GFRA2: variants seen among roughly 807,000 people sequenced by gnomAD.
GFRA2 encodes GDNF family receptor alpha-2.
GFRA2 carries 17 observed loss-of-function variants against 48.3 expected under a neutral mutation model. The observed-to-expected ratio is 0.35, with a 90% CI of 0.24 to 0.53. GFRA2 has a LOEUF of 0.53. Ranked by LOEUF, GFRA2 falls within the 20% of genes least tolerant of loss-of-function variation. The pLI is 0.93. For missense variants in GFRA2, 660 were observed against 637.3 expected (o/e 1.04, Z -0.38); for synonymous variants, 305 against 257.2 (o/e 1.19, Z -1.78).
intron 3 of GFRA2, among the ~76,000 whole-genome samples, chr8:21,753,865 C>A (rs1016176599): frequency 6.6e-6 from 1 of 152,182 alleles, no homozygotes; most frequent in African/African-American, 2.4e-5. Context: ...TTTCTCCAGG[C>A]TCATTTCCCT....
chr8:21,746,189 C>G (rs1804994733), intron 4 of GFRA2, among the ~76,000 whole-genome samples: 1 of 152,164 alleles, frequency 6.6e-6, no homozygotes. Flanking sequence ...GGCACCACCA[C>G]AGCAACCTCC....
intron 4 of GFRA2, among the ~76,000 whole-genome samples, chr8:21,711,145 T>A (rs1803002315): frequency 6.6e-6 from 1 of 152,178 alleles, no homozygotes; most frequent in Non-Finnish European, 1.5e-5. Flanking sequence ...CTCTGTGCCT[T>A]CTCTAGACCA....
intron 4 of GFRA2, among the ~76,000 whole-genome samples, chr8:21,731,148 T>C (rs1248398119): frequency 6.6e-6 from 1 of 151,732 alleles, no homozygotes; most frequent in Non-Finnish European, 1.5e-5. Flanking sequence ...CACCACCAAC[T>C]CCCCCAGCGT....
chr8:21,788,036 C>A, intron 1 of GFRA2, 84 bp downstream of exon 1: 1 of 559,272 alleles, frequency 1.8e-6, no homozygotes, highest in Non-Finnish European at 2.9e-6. Flanking sequence ...CGACCTCCCG[C>A]CAGCCCCCCA....
chr8:21,729,401 C>G (rs541412450), intron 4 of GFRA2, among the ~76,000 whole-genome samples: 1 of 152,196 alleles, frequency 6.6e-6, no homozygotes, highest in African/African-American at 2.4e-5. Flanking sequence ...GCAGGGCTGC[C>G]CCTCCCCTCC....
In GFRA2 at chr8:21,765,380, G is replaced by A. The variant is rs562338661; in HGVS notation, c.439+9592C>T. On this transcript the variant is annotated intron_variant, in intron 3 of 8. Transcript: ENST00000524240. ...CCCGCCTCAGCCTTCCAAAGTGCTG[G>A]GATTATAGGTGTGAGCCACTACACC... Among the ~76,000 whole-genome samples the A allele has an allele frequency of 3.9e-5, 6 of 152,062 alleles. No individual in the cohort carries two copies. In the South Asian group the frequency reaches 1.2e-3, roughly 32 times the overall value.
chr8:21,712,735 G>A (rs557190687), intron 4 of GFRA2, among the ~76,000 whole-genome samples: 79 of 152,322 alleles, frequency 5.2e-4, no homozygotes, highest in Middle Eastern at 3.4e-3. Context: ...CTGAGTGAAC[G>A]AGACTCCGTC....
intron 8 of GFRA2, among the ~76,000 whole-genome samples, chr8:21,693,689 A>G (rs1044657130): frequency 7.3e-5 from 5 of 68,092 alleles, no homozygotes; most frequent in African/African-American, 2.3e-4. Flanking sequence ...TCCTCCCTGC[A>G]TCAGGGCTGA....
At chr8:21,698,830 G>C (rs1802335877) in intron 7 of GFRA2, among the ~76,000 whole-genome samples, 1 of 150,378 alleles carries the variant, frequency 6.6e-6, no homozygotes, top group Non-Finnish European at 1.5e-5. Flanking sequence ...TCAGCACTCT[G>C]TGCTGTCCTG....
chr8:21,811,588 T>TC (rs1807981753), intron 1 of GFRA2, among the ~76,000 whole-genome samples: 1 of 151,910 alleles, frequency 6.6e-6, no homozygotes, highest in Non-Finnish European at 1.5e-5. Context: ...AGCTTTACAT[T>TC]CCCCATGTCC....
chr8:21,705,989 T>C lies in GFRA2; in HGVS notation c.847A>G (p.Thr283Ala). ...TGGTAATTGTCCGCAGGGCAGCTGG[T>C]GACCGTCTGGTAGGAGGCTCGACAA... ...ANCRASYQTVTSCPADNYQAC... is the reference protein window; with the variant it reads ...ANCRASYQTVASCPADNYQAC... The change falls in exon 5 of 9, where the codon ACC becomes GCC. Residue 283 changes from threonine to alanine, a missense_variant. Transcript: ENST00000524240. 2 of 1,580,948 alleles carry C rather than the reference T, an allele frequency of 1.3e-6. No homozygotes were observed. The highest frequency in any genetic ancestry group is 1.7e-6 in the Non-Finnish European group (2 of 1,163,226).
chr8:21,704,855 C>G, intron 6 of GFRA2, 130 bp downstream of exon 6: 1 of 752,040 alleles, frequency 1.3e-6, no homozygotes, highest in South Asian at 1.6e-5. Flanking sequence ...TCCCCACGGG[C>G]AACACCCATG....
intron 4 of GFRA2, among the ~76,000 whole-genome samples, chr8:21,713,330 G>C (rs1256226867): frequency 6.6e-6 from 1 of 151,904 alleles, no homozygotes; most frequent in East Asian, 2.0e-4. Flanking sequence ...ACCGTAGCTG[G>C]GATTACAGGT....
At chr8:21,755,998 T>A (rs1805549430) in intron 3 of GFRA2, among the ~76,000 whole-genome samples, 1 of 152,146 alleles carries the variant, frequency 6.6e-6, no homozygotes, top group South Asian at 2.1e-4. Context: ...GACGCACCTG[T>A]CAGAGGCTGG....
chr8:21,790,901 A>T (rs1807560929), upstream of GFRA2, among the ~76,000 whole-genome samples: 4 of 152,242 alleles, frequency 2.6e-5, no homozygotes, highest in African/African-American at 9.6e-5. Context: ...CAGGAATTAC[A>T]CTGCCAGGCA....
chr8:21,756,087 T>G (rs1805555652), intron 3 of GFRA2, among the ~76,000 whole-genome samples: 2 of 152,260 alleles, frequency 1.3e-5, no homozygotes, highest in South Asian at 4.1e-4. Flanking sequence ...GAGAGGAGGT[T>G]AGCAACTGCA....
upstream of GFRA2, among the ~76,000 whole-genome samples, chr8:21,793,764 T>G (rs929687603): frequency 6.6e-6 from 1 of 151,930 alleles, no homozygotes; most frequent in South Asian, 2.1e-4. Context: ...GTGGCGGCTC[T>G]CCAGGCCCAC....
chr8:21,731,639 T>A (rs1288909498), intron 4 of GFRA2, among the ~76,000 whole-genome samples: 1 of 152,102 alleles, frequency 6.6e-6, no homozygotes, highest in Non-Finnish European at 1.5e-5. Flanking sequence ...TGCGCCCCCA[T>A]TAAAGTCTAA....
chr8:21,743,480 T>C (rs1164691771), intron 4 of GFRA2, among the ~76,000 whole-genome samples: 1 of 152,192 alleles, frequency 6.6e-6, no homozygotes. Context: ...GTAGCTACAA[T>C]GGTAGTGGGG....
Sources: gnomAD v4.1 joint callset for allele counts (sites outside exome capture counted in the v4.1 genomes callset) on GRCh38, gnomAD v4.1.1 for gene constraint, MANE v1.5 for transcripts, NCBI Gene and HGNC (gene_info 2026-07-23, HGNC 2026-07-21) for gene names.